LUZP2: variants seen among roughly 807,000 people sequenced by gnomAD.
LUZP2 encodes the protein leucine zipper protein 2.
In LUZP2, 52 loss-of-function variants were observed where a neutral mutation model predicts 51.6. That is an observed-to-expected ratio of 1.01 (90% confidence interval 0.81 to 1.27). The LOEUF is 1.27. LUZP2 is among the 50% of genes most tolerant of loss of function. LUZP2 has a pLI of 0.00. For synonymous variants in LUZP2, 154 were observed against 137.3 expected, an observed-to-expected ratio of 1.12 and a Z score of -0.85; for missense variants, 436 against 395.4, an observed-to-expected ratio of 1.10 and a Z score of -0.87.
chr11:24,734,537 A>C lies in LUZP2; in HGVS notation c.251+2349A>C, dbSNP rs1238548591. On this transcript the variant is annotated intron_variant, in intron 3 of 11. Transcript: ENST00000336930. The stretch of plus-strand genomic sequence containing the variant: ...TTTATCTAAAATTAAAAACTTGTTT[A>C]AAATGCATAACTTGTATTATATACA... Among the ~76,000 whole-genome samples the C allele has an allele frequency of 2.6e-5, 4 of 151,932 alleles. No individual in the cohort carries two copies. In the East Asian group the frequency reaches 5.8e-4, roughly 22 times the overall value.
intron 5 of LUZP2, among the ~76,000 whole-genome samples, chr11:24,826,492 C>T (rs2631507): frequency 0.79 from 119,235 of 151,074 alleles, 47,379 homozygotes; most frequent in East Asian, 0.88. Flanking sequence ...ACTAGAAAGC[C>T]TTTCTTCTTA....
At chr11:24,859,848 A>G (rs992539370) in intron 5 of LUZP2, among the ~76,000 whole-genome samples, 1 of 152,224 alleles carries the variant, frequency 6.6e-6, no homozygotes, top group African/African-American at 2.4e-5. Context: ...ATGGATCGGA[A>G]GATCCCACTT....
At chr11:24,556,279 T>C (rs1025413264) in intron 1 of LUZP2, among the ~76,000 whole-genome samples, 1 of 152,170 alleles carries the variant, frequency 6.6e-6, no homozygotes, top group Non-Finnish European at 1.5e-5. Flanking sequence ...GCCATTCACT[T>C]TCTCAATTTT....
Position 24,544,356 on chromosome 11 carries a change from G to A in LUZP2, c.62+47051G>A, listed in dbSNP as rs961054210. Among the ~76,000 whole-genome samples the A allele has an allele frequency of 2.0e-5, 3 of 152,114 alleles. No homozygotes were observed. The East Asian group carries it at 5.8e-4, about 29-fold the overall frequency. ...ATATAGGTAAACTTGTGTCATGGGG[G>A]TATGTTGTACAGATTATTTCATCAC... On this transcript the variant is annotated intron_variant, in intron 1 of 11. Transcript: ENST00000336930.
intron 5 of LUZP2, among the ~76,000 whole-genome samples, chr11:24,894,267 C>G: frequency 6.6e-6 from 1 of 151,352 alleles, no homozygotes; most frequent in Non-Finnish European, 1.5e-5. Context: ...CTCCGCCTCC[C>G]GGGTTCAAGC....
At chr11:24,802,120 G>T (rs1005220184) in intron 5 of LUZP2, among the ~76,000 whole-genome samples, 5 of 151,850 alleles carry the variant, frequency 3.3e-5, no homozygotes, top group Admixed American at 3.3e-4. Flanking sequence ...ACTTCTAACA[G>T]AATAGTTTCA....
At chr11:24,755,558 C>G (rs1456240855) in intron 4 of LUZP2, among the ~76,000 whole-genome samples, 4 of 152,078 alleles carry the variant, frequency 2.6e-5, no homozygotes, top group Admixed American at 2.0e-4. Context: ...TTTCATAAAC[C>G]AAAAATGAAA....
intron 1 of LUZP2, among the ~76,000 whole-genome samples, chr11:24,643,011 G>C (rs993365744): frequency 2.0e-5 from 3 of 152,022 alleles, no homozygotes; most frequent in African/African-American, 7.2e-5. Flanking sequence ...ATAAAGTAGA[G>C]TGAAGAAGAG....
intron 1 of LUZP2, among the ~76,000 whole-genome samples, chr11:24,663,352 G>T (rs1405787132): frequency 2.0e-5 from 3 of 152,062 alleles, no homozygotes; most frequent in Non-Finnish European, 4.4e-5. Context: ...AGACATGTTT[G>T]CTTCCCTTTT....
intron 5 of LUZP2, among the ~76,000 whole-genome samples, chr11:24,776,113 C>A (rs763367231): frequency 6.6e-6 from 1 of 152,174 alleles, no homozygotes; most frequent in Admixed American, 6.5e-5. Context: ...TAACTTAGAA[C>A]CATAAGTTAA....
intron 5 of LUZP2, among the ~76,000 whole-genome samples, chr11:24,880,304 T>C (rs527409650): frequency 3.9e-4 from 59 of 152,220 alleles, no homozygotes; most frequent in Admixed American, 6.5e-4. Flanking sequence ...CTCCACGCCA[T>C]GAGGCTGCTG....
chr11:24,750,973 C>T lies in LUZP2; in HGVS notation c.334-12273C>T, dbSNP rs571007382. Among the ~76,000 whole-genome samples the T allele has an allele frequency of 5.9e-5, 9 of 152,142 alleles. No homozygotes were observed. The South Asian group carries it at 8.3e-4, about 14-fold the overall frequency. On this transcript the variant is annotated intron_variant, in intron 4 of 11. Transcript: ENST00000336930. ...AAAATATATGGAAAGTGGCCATGTC[C>T]GATGCTGTGATTTTACCAGAAACTT...
chr11:24,563,472 T>C (rs184722473), intron 1 of LUZP2, among the ~76,000 whole-genome samples: 4 of 152,330 alleles, frequency 2.6e-5, no homozygotes, highest in African/African-American at 9.6e-5. Context: ...TACATGTTAG[T>C]ATGTTTTCAT....
At chr11:24,582,477 A>G (rs1852900706) in intron 1 of LUZP2, among the ~76,000 whole-genome samples, 1 of 152,126 alleles carries the variant, frequency 6.6e-6, no homozygotes, top group South Asian at 2.1e-4. Flanking sequence ...TAAGATTTTC[A>G]AAAATGAATT....
At chr11:24,880,590 A>C (rs1852429150) in intron 5 of LUZP2, among the ~76,000 whole-genome samples, 1 of 152,170 alleles carries the variant, frequency 6.6e-6, no homozygotes, top group South Asian at 2.1e-4. Context: ...CCCAGAGAAC[A>C]CATTTTGAGA....
rs149631011 is a variant in LUZP2 at position 24,502,870 on chromosome 11, G to A, written c.62+5565G>A. Among the ~76,000 whole-genome samples, 1,482 of 152,220 alleles carry A rather than the reference G, an allele frequency of 9.7e-3. 28 individuals carry two copies. Among genetic ancestry groups the A allele is most frequent in the African/African-American group, 0.034 (1,411 of 41,536 alleles). ...TCAAAGCTGTGAGTACAAGTGTCAA[G>A]GAATAAAAGTGGAAGTTTTCAAACT... On this transcript the variant is annotated intron_variant, in intron 1 of 11. Coordinates refer to ENST00000336930, the MANE Select transcript of LUZP2 (RefSeq NM_001009909.4).
intron 7 of LUZP2, among the ~76,000 whole-genome samples, chr11:24,957,606 C>T (rs1420904251): frequency 3.3e-5 from 5 of 152,116 alleles, no homozygotes. Context: ...ATTTGACTTT[C>T]TTACTCAGCT....
chr11:24,760,475 TGGGGTTACTGTC>T, intron 4 of LUZP2, among the ~76,000 whole-genome samples: 1 of 152,254 alleles, frequency 6.6e-6, no homozygotes, highest in East Asian at 1.9e-4. Context: ...ACTAGTGTTT[TGGGGTTACTGTC>T]AATATTTTCA....
intron 1 of LUZP2, among the ~76,000 whole-genome samples, chr11:24,644,694 G>A (rs4415760): frequency 0.19 from 28,288 of 152,022 alleles, 2,791 homozygotes; most frequent in Middle Eastern, 0.25. Flanking sequence ...AGGCAGCTAA[G>A]TCAACAAGTT....
Sources: allele counts gnomAD v4.1 joint callset (sites outside exome capture counted in the v4.1 genomes callset), GRCh38; gene constraint gnomAD v4.1.1; transcripts MANE v1.5; gene names NCBI Gene and HGNC (gene_info 2026-07-23, HGNC 2026-07-21).